Variants in SERPINA1 observed in about 807,000 individuals in gnomAD.
SERPINA1 encodes serpin family A member 1.
A neutral mutation model predicts 25.4 loss-of-function variants in SERPINA1; 21 were observed. The ratio of observed to expected loss-of-function variants is 0.83; its 90% CI spans 0.59 to 1.19. SERPINA1 has a LOEUF of 1.19. Among genes scored for constraint, SERPINA1 ranks in the 50% most tolerant of loss-of-function variants. SERPINA1 has a pLI of 0.00. For synonymous variants in SERPINA1, 218 were observed against 211.1 expected (o/e 1.03, Z -0.29); for missense variants, 546 against 509.0 (o/e 1.07, Z -0.70).
intron 1 of SERPINA1, among the ~76,000 whole-genome samples, chr14:94,385,597 G>A (rs1175952252): frequency 1.3e-5 from 2 of 152,212 alleles, no homozygotes; most frequent in African/African-American, 4.8e-5. Flanking sequence ...AAAGTGCTGG[G>A]GTTACAGGCG....
chr14:94,389,680 T>C (rs1056431144), upstream of SERPINA1: 3 of 152,202 alleles, frequency 2.0e-5, no homozygotes, highest in Non-Finnish European at 4.4e-5. Context: ...GCAAACCTGC[T>C]TGGGAGCTGG....
chr14:94,378,856 C>T (rs780301916), intron 4 of SERPINA1, among the ~76,000 whole-genome samples: 12 of 60,908 alleles, frequency 2.0e-4, no homozygotes, highest in Non-Finnish European at 4.4e-4. Flanking sequence ...GCCTCTCCCC[C>T]TGCTCAGGTG....
In SERPINA1 at chr14:94,380,906, A is replaced by G; in HGVS notation, c.882T>C (p.Asp294=). 1 of 1,614,172 alleles carries G rather than the reference A, an allele frequency of 6.2e-7. No homozygotes were observed. Among genetic ancestry groups the G allele is most frequent in the Non-Finnish European group, 8.5e-7 (1 of 1,180,036 alleles). The part of the protein sequence containing the change: ...LQHLENELTH[D]IITKFLENED... ...CATTTTCCAGGAACTTGGTGATGAT[A>G]TCGTGGGTGAGTTCATTTTCCAGGT... The change falls in exon 3 of 5, where the codon GAT becomes GAC. Residue 294 remains aspartate, a synonymous_variant. Transcript: ENST00000393087.
chr14:94,380,829 G>A (rs747006714), intron 3 of SERPINA1, 42 bp downstream of exon 3: 22 of 1,613,778 alleles, frequency 1.4e-5, no homozygotes, highest in Non-Finnish European at 1.7e-5. Flanking sequence ...ATGGCTAAGA[G>A]GTGTGGGCAG....
In SERPINA1 at chr14:94,380,966, G is replaced by A. The variant is rs765473272; in HGVS notation, c.822C>T (p.Ala274=). Residue 274 remains alanine (A), a synonymous_variant, in exon 3 of 5, where the codon GCC becomes GCT. Coordinates refer to ENST00000393087, the MANE Select transcript of SERPINA1 (RefSeq NM_000295.5). The part of the protein sequence containing the change: ...LLMKYLGNAT[A]IFFLPDEGKL... ...TCCCCTCATCAGGCAGGAAGAAGAT[G>A]GCGGTGGCATTGCCCAGGTATTTCA... is the stretch of plus-strand genomic sequence containing the variant. 1 of 1,614,178 alleles carries A rather than the reference G, an allele frequency of 6.2e-7. No individual in the cohort carries two copies. Among genetic ancestry groups the A allele is most frequent in the Non-Finnish European group, 8.5e-7 (1 of 1,180,030 alleles).
At position 94,380,877 on chromosome 14, in the gene SERPINA1, T is replaced by C; in HGVS notation, c.911A>G (p.Asp304Gly). The change falls in exon 3 of 5, where the codon GAC becomes GGC. Residue 304 changes from aspartate (D) to glycine (G), a missense_variant. Coordinates refer to ENST00000393087, the MANE Select transcript of SERPINA1 (RefSeq NM_000295.5). ...DIITKFLENE[D>G]RRSASLHLPK... ...CCTCAGGTTGGGGAATCACCTTCTG[T>C]CTTCATTTTCCAGGAACTTGGTGAT... 2 of 1,614,206 alleles carry C rather than the reference T, an allele frequency of 1.2e-6. No homozygotes were observed. The highest frequency in any genetic ancestry group is 1.7e-6 in the Non-Finnish European group (2 of 1,180,028).
chr14:94,385,611 G>A (rs1897236458), intron 1 of SERPINA1, among the ~76,000 whole-genome samples: 1 of 152,216 alleles, frequency 6.6e-6, no homozygotes, highest in Non-Finnish European at 1.5e-5. Context: ...ACAGGCGAGA[G>A]CCCCTGCACC....
At chr14:94,379,688 T>C (rs190852815) in intron 3 of SERPINA1, 77 bp from the exon 4 acceptor site, 3 of 1,599,550 alleles carry the variant, frequency 1.9e-6, no homozygotes, top group East Asian at 2.2e-5. Context: ...AGTGCAAGTG[T>C]TTTCTTTTCT....
chr14:94,382,108 C>T (rs983226046), intron 2 of SERPINA1, among the ~76,000 whole-genome samples: 2 of 152,218 alleles, frequency 1.3e-5, no homozygotes, highest in South Asian at 2.1e-4. Flanking sequence ...GGTATTTTGT[C>T]CATGCTAAGA....
rs776904334 is a variant in SERPINA1 at position 94,383,225 on chromosome 14, C to T, written c.13G>A (p.Val5Ile). 1 of 1,612,356 alleles carries T rather than the reference C, an allele frequency of 6.2e-7. No homozygotes were observed. Among genetic ancestry groups the T allele is most frequent in the Non-Finnish European group, 8.5e-7 (1 of 1,179,906 alleles). Residue 5 changes from valine (V) to isoleucine (I), a missense_variant, in exon 2 of 5, where the codon GTC (valine) becomes ATC (isoleucine). Coordinates refer to ENST00000393087, the MANE Select transcript of SERPINA1 (RefSeq NM_000295.5). The part of the protein sequence containing the change: MPSS[V>I]SWGILLLAGL... ...GCCAGCAGGAGGATGCCCCACGAGACAGAAGACGGCATTGTCCTGCAAGAC... is the reference window on the plus strand; with the variant it reads ...GCCAGCAGGAGGATGCCCCACGAGATAGAAGACGGCATTGTCCTGCAAGAC...
intron 1 of SERPINA1, among the ~76,000 whole-genome samples, chr14:94,388,127 C>T (rs1897404288): frequency 6.6e-6 from 1 of 152,040 alleles, no homozygotes; most frequent in African/African-American, 2.4e-5. Context: ...AAGATGCATG[C>T]CCAAGCAGTA....
At position 94,382,741 on chromosome 14, in the gene SERPINA1, G is replaced by T. The variant is rs142942004; in HGVS notation, c.497C>A (p.Ala166Asp). 8 of 1,614,134 alleles carry T rather than the reference G, an allele frequency of 5.0e-6. No homozygotes were observed. The African/African-American group carries it at 6.7e-5, about 13-fold the overall frequency. The change falls in exon 2 of 5, where the codon GCC (alanine) becomes GAC (aspartate). Residue 166 changes from alanine (A) to aspartate (D), a missense_variant. Physicochemically the swap from Ala to Asp is moderately radical, Grantham distance 126. Transcript: ENST00000393087. ...GGTGTCCCCGAAGTTGACAGTGAAG[G>T]CTTCTGAGTGGTACAACTTTTTAAC... is the stretch of plus-strand genomic sequence containing the variant. ...EDVKKLYHSE[A>D]FTVNFGDTEE... is the part of the protein sequence containing the mutation.
At chr14:94,384,857 A>T (rs1897189121) in intron 1 of SERPINA1, among the ~76,000 whole-genome samples, 1 of 152,210 alleles carries the variant, frequency 6.6e-6, no homozygotes, top group African/African-American at 2.4e-5. Flanking sequence ...TAAAGCAACA[A>T]ATGAAGTGCA....
At chr14:94,379,354 CT>C in intron 4 of SERPINA1, 109 bp downstream of exon 4, 1 of 1,496,062 alleles carries the variant, frequency 6.7e-7, no homozygotes, top group Non-Finnish European at 9.3e-7. Flanking sequence ...CAGCCTGGGT[CT>C]TCATTTGTTT....
At chr14:94,386,696 A>G (rs542399419) in intron 1 of SERPINA1, among the ~76,000 whole-genome samples, 1 of 152,250 alleles carries the variant, frequency 6.6e-6, no homozygotes, top group East Asian at 1.9e-4. Flanking sequence ...TGCACTCCCC[A>G]GGACCATTTC....
At position 94,378,606 on chromosome 14, in the gene SERPINA1, T is replaced by G. The variant is rs755625134; in HGVS notation, c.1100A>C (p.Lys367Thr). ...VHKAVLTIDEKGTEAAGAMFL... is the reference protein window; with the variant it reads ...VHKAVLTIDETGTEAAGAMFL... ...CATGGCCCCAGCAGCTTCAGTCCCTTTCTCGTCGATGGTCAGCACAGCCTT... is the reference window on the plus strand; with the variant it reads ...CATGGCCCCAGCAGCTTCAGTCCCTGTCTCGTCGATGGTCAGCACAGCCTT... The change falls in exon 5 of 5, where the codon AAA (lysine) becomes ACA (threonine). Residue 367 changes from lysine to threonine, a missense_variant. Physicochemically the swap from Lys to Thr is moderately conservative, Grantham distance 78 (BLOSUM62 -1). Transcript: ENST00000393087. The G allele has an allele frequency of 5.6e-6, 9 of 1,614,126 alleles. No homozygotes were observed. The Admixed American group carries it at 1.5e-4, about 27-fold the overall frequency.
chr14:94,384,220 C>G (rs1457743103), intron 1 of SERPINA1: 1 of 152,154 alleles, frequency 6.6e-6, no homozygotes, highest in Non-Finnish European at 1.5e-5. Flanking sequence ...TGTCACTTTC[C>G]AGGTGTATGA....
At chr14:94,384,276 C>T (rs1360544038) in intron 1 of SERPINA1, 1 of 152,192 alleles carries the variant, frequency 6.6e-6, no homozygotes, top group Non-Finnish European at 1.5e-5. Flanking sequence ...TTGCCTCATA[C>T]ATAAAGTGAT....
chr14:94,387,049 A>G (rs1897331163), intron 1 of SERPINA1, among the ~76,000 whole-genome samples: 2 of 152,242 alleles, frequency 1.3e-5, no homozygotes, highest in South Asian at 4.1e-4. Flanking sequence ...CTGGGATTAA[A>G]CAGATTTCAC....
Sources: allele counts gnomAD v4.1 joint callset (sites outside exome capture counted in the v4.1 genomes callset), GRCh38; gene constraint gnomAD v4.1.1; transcripts MANE v1.5; gene names NCBI Gene and HGNC (gene_info 2026-07-23, HGNC 2026-07-21).